The following ACSM5 variants were observed in gnomAD, a reference collection of about 807,000 sequenced individuals.
ACSM5 encodes acyl-CoA synthetase medium chain family member 5.
In ACSM5, 56 loss-of-function variants were observed where a neutral mutation model predicts 71.6. The observed-to-expected ratio is 0.78, with a 90% CI of 0.63 to 0.98. The LOEUF is 0.98. ACSM5 is among the 50% of genes least tolerant of loss of function. ACSM5 has a pLI of 0.00. For synonymous variants in ACSM5, 285 were observed against 281.5 expected (o/e 1.01, Z -0.12); for missense variants, 723 against 726.0 (o/e 1.00, Z 0.05).
intron 2 of ACSM5, among the ~76,000 whole-genome samples, chr16:20,414,694 G>A (rs1966853327): frequency 1.3e-5 from 2 of 152,296 alleles, no homozygotes; most frequent in East Asian, 1.9e-4. Context: ...AAATACCAAA[G>A]GATGTGAAAG....
At position 20,438,249 on chromosome 16, in the gene ACSM5, T is replaced by C. The variant is rs1317965718; in HGVS notation, c.1536+882T>C. Among the ~76,000 whole-genome samples, 4 of 151,998 alleles carry C rather than the reference T, an allele frequency of 2.6e-5. 1 individual carries two copies. Among genetic ancestry groups the C allele is most frequent in the Non-Finnish European group, 5.9e-5 (4 of 67,942 alleles). ...ATAATCCTAAAGCACAACAGTTACC[T>C]TTTGAAAGTTAGTGCAACATTAGCC... On this transcript the variant is annotated intron_variant, in intron 12 of 13. Transcript: ENST00000331849.
chr16:20,437,961 G>A (rs1967236577), intron 12 of ACSM5, among the ~76,000 whole-genome samples: 1 of 151,802 alleles, frequency 6.6e-6, no homozygotes, highest in Non-Finnish European at 1.5e-5. Flanking sequence ...CAGTAGCTGG[G>A]ATTACAGGCA....
chr16:20,437,085 G>A lies in ACSM5; in HGVS notation c.1342G>A (p.Gly448Arg). 8 of 1,614,172 alleles carry A rather than the reference G, an allele frequency of 5.0e-6. No individual in the cohort carries two copies. Among genetic ancestry groups the A allele is most frequent in the Non-Finnish European group, 5.9e-6 (7 of 1,180,038 alleles). Reference protein sequence around the residue: ...NPEKTAASEQGDFYITGDRAR... With the variant: ...NPEKTAASEQRDFYITGDRAR... ...TGAGAAGACAGCTGCATCAGAACAA[G>A]GGGACTTTTACATCACAGGGGACCG... The change falls in exon 11 of 14, where the codon GGG becomes AGG. Residue 448 changes from glycine (G) to arginine (R), a missense_variant. Coordinates refer to ENST00000331849, the MANE Select transcript of ACSM5 (RefSeq NM_017888.3).
intron 11 of ACSM5, 33 bp from the exon 12 acceptor site, chr16:20,437,235 G>A: frequency 6.2e-7 from 1 of 1,614,148 alleles, no homozygotes; most frequent in Non-Finnish European, 8.5e-7. Flanking sequence ...GTTGAGGGAA[G>A]CCCACTTGGA....
intron 1 of ACSM5, among the ~76,000 whole-genome samples, chr16:20,410,851 C>T (rs535749169): frequency 1.3e-5 from 2 of 152,130 alleles, no homozygotes; most frequent in East Asian, 1.9e-4. Flanking sequence ...TGTGGCTAGT[C>T]CAAATTGACA....
chr16:20,418,269 G>A lies in ACSM5; in HGVS notation c.415G>A (p.Gly139Arg). Reference sequence around the variant, plus strand: ...GGTCAGTGTGGCTTGCATGCGGACAGGTCAGTAAGCAGGGCTGGGAATTTT... The same window carrying A: ...GGTCAGTGTGGCTTGCATGCGGACAAGTCAGTAAGCAGGGCTGGGAATTTT... ...WLVSVACMRT[G>R]TVMIPGVTQL... is the part of the protein sequence containing the mutation. The change falls in exon 3 of 14, where the codon GGG (glycine) becomes AGG (arginine). Residue 139 changes from glycine (G) to arginine (R), a missense_variant and splice_region_variant. Coordinates refer to ENST00000331849, the MANE Select transcript of ACSM5 (RefSeq NM_017888.3). The A allele has an allele frequency of 6.2e-7, 1 of 1,607,170 alleles. No individual in the cohort carries two copies. Among genetic ancestry groups the A allele is most frequent in the East Asian group, 2.2e-5 (1 of 44,500 alleles).
intron 10 of ACSM5, among the ~76,000 whole-genome samples, chr16:20,433,444 A>ATAT (rs1468351755): frequency 6.6e-6 from 1 of 152,344 alleles, no homozygotes; most frequent in East Asian, 1.9e-4. Flanking sequence ...AAATGCACAA[A>ATAT]TATTTGTTAT....
At chr16:20,412,934 G>A (rs1411673716) in intron 2 of ACSM5, among the ~76,000 whole-genome samples, 1 of 152,184 alleles carries the variant, frequency 6.6e-6, no homozygotes, top group Non-Finnish European at 1.5e-5. Flanking sequence ...ACTTATGAAG[G>A]TGGTATGAGG....
intron 2 of ACSM5, among the ~76,000 whole-genome samples, chr16:20,413,654 G>A (rs1966851492): frequency 6.6e-6 from 1 of 152,182 alleles, no homozygotes; most frequent in South Asian, 2.1e-4. Flanking sequence ...TTGTATTCCT[G>A]GAAATCTAGA....
intron 13 of ACSM5, 36 bp downstream of exon 13, chr16:20,439,955 G>A: frequency 6.2e-7 from 1 of 1,609,636 alleles, no homozygotes; most frequent in Non-Finnish European, 8.5e-7. Flanking sequence ...AGTGATCTGG[G>A]AATCAGATGG....
chr16:20,439,688 T>C (rs1391039357), intron 12 of ACSM5, 112 bp from the exon 13 acceptor site: 4 of 1,293,592 alleles, frequency 3.1e-6, no homozygotes, highest in Non-Finnish European at 4.3e-6. Flanking sequence ...AAAAAACTAG[T>C]AGAACTTTCA....
intron 4 of ACSM5, among the ~76,000 whole-genome samples, chr16:20,420,723 G>T (rs1401921604): frequency 6.6e-6 from 1 of 152,156 alleles, no homozygotes; most frequent in Non-Finnish European, 1.5e-5. Flanking sequence ...AAACATTAAA[G>T]ATTCTGATTT....
At chr16:20,428,844 G>T (rs567118320) in intron 7 of ACSM5, among the ~76,000 whole-genome samples, 1 of 152,258 alleles carries the variant, frequency 6.6e-6, no homozygotes, top group South Asian at 2.1e-4. Context: ...GATTAAAAAT[G>T]TACTTGCAGT....
chr16:20,431,465 G>C (rs1967099927), intron 10 of ACSM5, 144 bp downstream of exon 10: 1 of 674,578 alleles, frequency 1.5e-6, no homozygotes, highest in African/African-American at 1.8e-5. Context: ...TTCTGTTATT[G>C]ATAAGGAAGA....
At chr16:20,417,023 C>CAAA (rs35498393) in intron 2 of ACSM5, among the ~76,000 whole-genome samples, 6 of 130,042 alleles carry the variant, frequency 4.6e-5, no homozygotes, top group Non-Finnish European at 6.4e-5. Context: ...AGTGGCATGG[C>CAAA]AAAAAAAAAA....
chr16:20,434,378 A>G (rs1435053570), intron 10 of ACSM5, among the ~76,000 whole-genome samples: 1 of 152,168 alleles, frequency 6.6e-6, no homozygotes, highest in Non-Finnish European at 1.5e-5. Context: ...GTTATCTGTC[A>G]TGCTAATTTT....
chr16:20,434,279 G>T (rs1271716860), intron 10 of ACSM5, among the ~76,000 whole-genome samples: 41 of 152,014 alleles, frequency 2.7e-4, no homozygotes, highest in Admixed American at 2.7e-3. Context: ...ATCCATCTGT[G>T]GTTGATGTAT....
At chr16:20,430,054 G>A (rs1260081941) in intron 8 of ACSM5, among the ~76,000 whole-genome samples, 2 of 152,128 alleles carry the variant, frequency 1.3e-5, no homozygotes, top group Non-Finnish European at 2.9e-5. Flanking sequence ...GGAAGAAGGT[G>A]AGAGGAGGGG....
chr16:20,427,642 TG>T, intron 6 of ACSM5, 145 bp from the exon 7 acceptor site: 1 of 694,238 alleles, frequency 1.4e-6, no homozygotes, highest in East Asian at 2.5e-5. Context: ...TAGGAGTCAC[TG>T]GACACCATCT....
Sources: gnomAD v4.1 joint callset for allele counts (sites outside exome capture counted in the v4.1 genomes callset) on GRCh38, gnomAD v4.1.1 for gene constraint, MANE v1.5 for transcripts, NCBI Gene and HGNC (gene_info 2026-07-23, HGNC 2026-07-21) for gene names.